The following AADACL4 variants were observed in gnomAD, a reference collection of about 807,000 sequenced individuals.
AADACL4 encodes the protein arylacetamide deacetylase like 4.
In AADACL4, 9 loss-of-function variants were observed where a neutral mutation model predicts 14.1. The observed-to-expected ratio is 0.64, with a 90% CI of 0.39 to 1.12. The LOEUF (loss-of-function observed/expected upper bound fraction) is 1.12. Ranked by LOEUF, AADACL4 falls within the 50% of genes most tolerant of loss-of-function variation. The pLI is 0.01. For synonymous variants in AADACL4, 188 were observed against 201.6 expected, an observed-to-expected ratio of 0.93 and a Z score of 0.57; for missense variants, 531 against 516.1, an observed-to-expected ratio of 1.03 and a Z score of -0.28.
chr1:12,644,508 A>AAGCTCCTCAGGGCAGC lies in AADACL4; in HGVS notation c.-29_-14dup. 5 of 1,604,466 alleles carry AAGCTCCTCAGGGCAGC rather than the reference A, an allele frequency of 3.1e-6. No homozygotes were observed. Among genetic ancestry groups the AAGCTCCTCAGGGCAGC allele is most frequent in the Non-Finnish European group, 4.3e-6 (5 of 1,175,382 alleles). On this transcript the variant is annotated 5_prime_UTR_variant, in exon 1 of 4. Coordinates refer to ENST00000376221, the MANE Select transcript of AADACL4 (RefSeq NM_001013630.2). ...GTCCTCTTCACATAAGCTATCAGACAAGCTCCTCAGGGCAGCAGCTCCTCA... is the reference window on the plus strand; with the variant it reads ...GTCCTCTTCACATAAGCTATCAGACAAGCTCCTCAGGGCAGCAGCTCCTCAGGGCAGCAGCTCCTCA...
chr1:12,660,203 T>C (rs2256805), intron 2 of AADACL4, among the ~76,000 whole-genome samples: 17,519 of 152,158 alleles, frequency 0.12, 2,183 homozygotes, highest in African/African-American at 0.32. Context: ...TTGCCTTGGC[T>C]TCCCAAAGTG....
At position 12,644,485 on chromosome 1, in the gene AADACL4, C is replaced by A. The variant is rs773102174; in HGVS notation, c.-62C>A. ...GGCGGAGGGTGTAACCCAGCCAGGT[C>A]CTCTTCACATAAGCTATCAGACAAG... On this transcript the variant is annotated 5_prime_UTR_variant, in exon 1 of 4. Coordinates refer to ENST00000376221, the MANE Select transcript of AADACL4 (RefSeq NM_001013630.2). 1 of 1,577,520 alleles carries A rather than the reference C, an allele frequency of 6.3e-7. No homozygotes were observed. The highest frequency in any genetic ancestry group is 8.6e-7 in the Non-Finnish European group (1 of 1,159,562).
intron 2 of AADACL4, among the ~76,000 whole-genome samples, chr1:12,653,934 T>A (rs1557549465): frequency 6.6e-6 from 1 of 151,958 alleles, no homozygotes; most frequent in Admixed American, 6.6e-5. Flanking sequence ...TATTAGAGTA[T>A]CCCCCCCTTT....
chr1:12,650,594 G>A (rs1476597690), intron 1 of AADACL4, among the ~76,000 whole-genome samples: 1 of 151,010 alleles, frequency 6.6e-6, no homozygotes, highest in Non-Finnish European at 1.5e-5. Flanking sequence ...GTGCAGTGGT[G>A]CGATCTCAGT....
chr1:12,664,511 C>T (rs1270066737), intron 3 of AADACL4, among the ~76,000 whole-genome samples: 3 of 151,992 alleles, frequency 2.0e-5, no homozygotes, highest in Non-Finnish European at 4.4e-5. Flanking sequence ...GGATTACAGG[C>T]TCCCACCACC....
At chr1:12,650,327 G>T (rs1647137084) in intron 1 of AADACL4, among the ~76,000 whole-genome samples, 1 of 152,086 alleles carries the variant, frequency 6.6e-6, no homozygotes, top group Non-Finnish European at 1.5e-5. Flanking sequence ...TTACTCCCTT[G>T]ACCTGAGCCC....
chr1:12,649,030 A>G (rs2100758209), intron 1 of AADACL4, among the ~76,000 whole-genome samples: 1 of 152,302 alleles, frequency 6.6e-6, no homozygotes, highest in South Asian at 2.1e-4. Flanking sequence ...CATGAGAAGC[A>G]TTTGGTTTGG....
At chr1:12,657,942 T>G (rs188941580) in intron 2 of AADACL4, among the ~76,000 whole-genome samples, 9 of 152,242 alleles carry the variant, frequency 5.9e-5, no homozygotes, top group Admixed American at 2.0e-4. Context: ...TCAAGTTTCC[T>G]TTTGCTCATT....
At chr1:12,654,012 T>A (rs563830865) in intron 2 of AADACL4, among the ~76,000 whole-genome samples, 14 of 152,316 alleles carry the variant, frequency 9.2e-5, no homozygotes, top group African/African-American at 3.4e-4. Flanking sequence ...CCCCAAAGCC[T>A]GGAGGCAGTA....
chr1:12,665,644 CT>C (rs974683147), intron 3 of AADACL4, among the ~76,000 whole-genome samples: 6 of 152,128 alleles, frequency 3.9e-5, no homozygotes, highest in Non-Finnish European at 7.4e-5. Flanking sequence ...TTTCATTTGC[CT>C]TTTTTTCAGC....
chr1:12,648,187 G>T (rs1647123137), intron 1 of AADACL4, among the ~76,000 whole-genome samples: 1 of 151,212 alleles, frequency 6.6e-6, no homozygotes, highest in Non-Finnish European at 1.5e-5. Flanking sequence ...AGCCAGGATG[G>T]TCTTGATCTC....
intron 2 of AADACL4, among the ~76,000 whole-genome samples, chr1:12,654,675 C>T (rs1029813635): frequency 3.3e-5 from 5 of 152,162 alleles, no homozygotes; most frequent in African/African-American, 1.2e-4. Context: ...CTTGGAAGGC[C>T]TGAAGGTTTT....
chr1:12,657,308 GAAGA>G (rs929875316), intron 2 of AADACL4, among the ~76,000 whole-genome samples: 8 of 152,060 alleles, frequency 5.3e-5, no homozygotes, highest in African/African-American at 1.9e-4. Context: ...AAGAAAGAAG[GAAGA>G]AAGTAGTAAT....
intron 1 of AADACL4, among the ~76,000 whole-genome samples, chr1:12,648,350 T>A (rs111237684): frequency 6.5e-4 from 80 of 123,608 alleles, no homozygotes; most frequent in African/African-American, 1.2e-3. Context: ...CCTCAGATCC[T>A]TCCTTCCTTC....
intron 2 of AADACL4, among the ~76,000 whole-genome samples, chr1:12,658,344 C>T (rs1647199995): frequency 6.6e-6 from 1 of 151,790 alleles, no homozygotes; most frequent in Non-Finnish European, 1.5e-5. Flanking sequence ...CTGCAACCTC[C>T]ACCTCCCGGA....
intron 2 of AADACL4, 115 bp downstream of exon 2, chr1:12,651,454 A>AT: frequency 8.8e-7 from 1 of 1,131,066 alleles, no homozygotes; most frequent in South Asian, 1.5e-5. Context: ...GTTGTTGGAG[A>AT]TTTTTATAGC....
chr1:12,661,820 G>A lies in AADACL4; in HGVS notation c.415G>A (p.Ala139Thr), dbSNP rs778741834. The part of the protein sequence containing the change: ...DCYHGLCNYL[A>T]RETESVLLMI... ...TTACCATGGCCTGTGCAATTATCTG[G>A]CCCGGGAGACTGAATCTGTACTTCT... Residue 139 changes from alanine (A) to threonine (T), a missense_variant, in exon 3 of 4, where the codon GCC becomes ACC. Coordinates refer to ENST00000376221, the MANE Select transcript of AADACL4 (RefSeq NM_001013630.2). 6.2e-7 allele frequency: 1 copy of A among 1,614,150 alleles called. No homozygotes were observed. Among genetic ancestry groups the A allele is most frequent in the South Asian group, 1.1e-5 (1 of 91,074 alleles).
intron 2 of AADACL4, among the ~76,000 whole-genome samples, chr1:12,661,243 A>C (rs1325105721): frequency 1.3e-5 from 2 of 152,100 alleles, no homozygotes; most frequent in Non-Finnish European, 2.9e-5. Flanking sequence ...GGACTTGTAA[A>C]AACTCCCTGG....
chr1:12,662,684 T>C (rs918304929), intron 3 of AADACL4, among the ~76,000 whole-genome samples: 3 of 152,146 alleles, frequency 2.0e-5, no homozygotes, highest in African/African-American at 7.2e-5. Context: ...CCTTTTTAGA[T>C]TCTACCTCTA....
Sources: allele counts gnomAD v4.1 joint callset (sites outside exome capture counted in the v4.1 genomes callset), GRCh38; gene constraint gnomAD v4.1.1; transcripts MANE v1.5; gene names NCBI Gene and HGNC (gene_info 2026-07-23, HGNC 2026-07-21).